RAD52: variants seen among roughly 807,000 people sequenced by gnomAD.
The protein encoded by RAD52 is RAD52 DNA repair protein, also known as DNA repair protein RAD52 homolog.
In RAD52, 47 loss-of-function variants were observed where a neutral mutation model predicts 55.5. The ratio of observed to expected loss-of-function variants is 0.85; its 90% CI spans 0.67 to 1.08. The LOEUF (loss-of-function observed/expected upper bound fraction) is 1.08, where lower values mean the gene tolerates loss of function less well. Among genes scored for constraint, RAD52 ranks in the 50% least tolerant of loss-of-function variants. The probability of loss-of-function intolerance (pLI) is 0.00; values close to 1 mark genes in which losing one functional copy is unlikely to be tolerated. For missense variants in RAD52, 468 were observed against 522.8 expected, an observed-to-expected ratio of 0.90 and a Z score of 1.02; for synonymous variants, 184 against 198.9, an observed-to-expected ratio of 0.92 and a Z score of 0.63.
intron 1 of RAD52, among the ~76,000 whole-genome samples, chr12:934,118 A>G (rs11503085): frequency 6.7e-6 from 1 of 150,116 alleles, no homozygotes. Flanking sequence ...AAAAAAAAAA[A>G]CAAAAAAAAA....
chr12:957,466 CAAAAA>C (rs71055109), intron 1 of RAD52, among the ~76,000 whole-genome samples: 3 of 44,056 alleles, frequency 6.8e-5, no homozygotes, highest in African/African-American at 1.9e-4. Flanking sequence ...AACTTCGTCT[CAAAAA>C]AAAAAAAAAA....
chr12:978,412 T>G (rs907116801), intron 1 of RAD52, among the ~76,000 whole-genome samples: 1 of 152,168 alleles, frequency 6.6e-6, no homozygotes, highest in African/African-American at 2.4e-5. Context: ...TATGTTCAAA[T>G]GTAACTTGAA....
rs1055376740 is a variant in RAD52 at position 912,381 on chromosome 12, T to G, written c.*1010A>C. The G allele has an allele frequency of 4.9e-6, 1 of 203,066 alleles. No homozygotes were observed. Among genetic ancestry groups the G allele is most frequent in the Non-Finnish European group, 1.0e-5 (1 of 98,782 alleles). The allele number at this position is 203,066 out of a possible 1,614,324, so 12.6% of individuals were successfully genotyped here. A position where few individuals can be genotyped will look rare whatever the true frequency, so the allele number is the denominator to read the frequency against. ...AAACTCTGTTTCATGCACAAAATTA[T>G]GTGTATGAGGCATATACACGAAACA... On this transcript the variant is annotated 3_prime_UTR_variant, in exon 12 of 12. Coordinates refer to ENST00000358495, the MANE Select transcript of RAD52 (RefSeq NM_134424.4).
intron 1 of RAD52, chr12:975,205 AG>A (rs5795956): frequency 6.8e-6 from 1 of 147,540 alleles, no homozygotes; most frequent in Non-Finnish European, 1.5e-5. Context: ...ATCCACTGGG[AG>A]GGGGGTCCTG....
intron 1 of RAD52, among the ~76,000 whole-genome samples, chr12:958,044 G>A (rs1958632800): frequency 6.6e-6 from 1 of 152,158 alleles, no homozygotes; most frequent in Admixed American, 6.5e-5. Context: ...TCACTCGCGT[G>A]GCCAGCAAGG....
intron 1 of RAD52, among the ~76,000 whole-genome samples, chr12:958,885 C>T (rs1024245145): frequency 6.6e-6 from 1 of 152,122 alleles, no homozygotes; most frequent in Non-Finnish European, 1.5e-5. Flanking sequence ...ATTAGTAACT[C>T]GGCCAGCTTC....
chr12:964,003 G>C lies in RAD52; in HGVS notation c.-19+25806C>G, dbSNP rs140311636. Among the ~76,000 whole-genome samples the C allele has an allele frequency of 9.7e-4, 148 of 152,192 alleles. No individual in the cohort carries two copies. In the East Asian group the frequency reaches 0.013, roughly 13 times the overall value. On this transcript the variant is annotated intron_variant, in intron 1 of 11. Coordinates refer to the RAD52 transcript ENST00000430095. ...AGGGGGGAAGAGTGTTCCAGACAGAGGGAACAGCATGGAGCACGTCTGGAG... is the reference window on the plus strand; with the variant it reads ...AGGGGGGAAGAGTGTTCCAGACAGACGGAACAGCATGGAGCACGTCTGGAG...
intron 8 of RAD52, 53 bp downstream of exon 8, chr12:916,586 C>CT (rs1956394691): frequency 2.5e-6 from 4 of 1,595,908 alleles, no homozygotes; most frequent in Non-Finnish European, 3.4e-6. Context: ...GTGGAGGCAG[C>CT]CCCGTGACAC....
At chr12:938,874 G>A (rs1957767940) in intron 1 of RAD52, among the ~76,000 whole-genome samples, 1 of 152,088 alleles carries the variant, frequency 6.6e-6, no homozygotes, top group Non-Finnish European at 1.5e-5. Flanking sequence ...TGATCCTTCT[G>A]CCTCAGCCTC....
At chr12:978,180 A>T (rs1316442024) in intron 1 of RAD52, among the ~76,000 whole-genome samples, 2 of 152,110 alleles carry the variant, frequency 1.3e-5, no homozygotes, top group African/African-American at 4.8e-5. Context: ...CTTTCCAAAG[A>T]CATTTAGATA....
chr12:925,173 A>C (rs1053628182), intron 7 of RAD52, among the ~76,000 whole-genome samples: 3 of 151,984 alleles, frequency 2.0e-5, no homozygotes, highest in Non-Finnish European at 4.4e-5. Flanking sequence ...GATGGTCTCG[A>C]TCTCCTGACC....
upstream of RAD52, among the ~76,000 whole-genome samples, chr12:950,347 T>G (rs1958493601): frequency 6.6e-6 from 1 of 151,856 alleles, no homozygotes; most frequent in Admixed American, 6.6e-5. Context: ...CGAGGCGGGC[T>G]GATCACGAGG....
intron 1 of RAD52, among the ~76,000 whole-genome samples, chr12:956,673 A>C (rs1304775732): frequency 1.3e-5 from 2 of 152,044 alleles, no homozygotes; most frequent in Non-Finnish European, 2.9e-5. Context: ...CAGCCTCCCA[A>C]GTAGCTGGGA....
At chr12:929,943 T>C (rs1232082198) in intron 4 of RAD52, 57 bp from the exon 5 acceptor site, 2 of 1,575,098 alleles carry the variant, frequency 1.3e-6, no homozygotes, top group Admixed American at 3.3e-5. Context: ...GCCACAACCA[T>C]TCCTCCTGCT....
chr12:964,899 A>T (rs1958736507), intron 1 of RAD52, among the ~76,000 whole-genome samples: 1 of 151,824 alleles, frequency 6.6e-6, no homozygotes, highest in Non-Finnish European at 1.5e-5. Context: ...AGTTTTCAAT[A>T]TTCAATATTT....
chr12:914,001 TG>T lies in RAD52; in HGVS notation c.1087del (p.Gln363ArgfsTer3). ...TGGAGTCCTGTTCTGGGTCACCATC[TG>T]GTTGTTCAAGGCTAATGTGTCAGAG... is the stretch of plus-strand genomic sequence containing the variant. ...QTSDTLALNNQMVTQNRTPHS... is the reference protein window; with the variant it reads ...QTSDTLALNNXMVTQNRTPHS... On this transcript the variant is annotated frameshift_variant, in exon 11 of 12. Coordinates refer to ENST00000358495, the MANE Select transcript of RAD52 (RefSeq NM_134424.4). LOFTEE classifies it high-confidence loss of function. 1.9e-6 allele frequency: 3 copies of T among 1,614,198 alleles called. No homozygotes were observed. The highest frequency in any genetic ancestry group is 2.5e-6 in the Non-Finnish European group (3 of 1,180,038).
At chr12:936,896 T>A (rs1327182732) in intron 1 of RAD52, 1 of 152,248 alleles carries the variant, frequency 6.6e-6, no homozygotes, top group African/African-American at 2.4e-5. Context: ...ATCAAACACG[T>A]CTGGGTTATA....
chr12:955,388 GAT>G (rs1958590149), intron 1 of RAD52, among the ~76,000 whole-genome samples: 1 of 152,152 alleles, frequency 6.6e-6, no homozygotes, highest in African/African-American at 2.4e-5. Flanking sequence ...AAGATACAGT[GAT>G]GCTTAGTCAA....
intron 1 of RAD52, among the ~76,000 whole-genome samples, chr12:987,704 G>A (rs1354744159): frequency 2.6e-5 from 4 of 151,946 alleles, no homozygotes; most frequent in Non-Finnish European, 5.9e-5. Flanking sequence ...GGGATTACAG[G>A]CATATGCCAC....
Sources: allele counts gnomAD v4.1 joint callset (sites outside exome capture counted in the v4.1 genomes callset), GRCh38; gene constraint gnomAD v4.1.1; transcripts MANE v1.5; gene names NCBI Gene and HGNC (gene_info 2026-07-23, HGNC 2026-07-21).